The following HMSD variants were observed in gnomAD, a reference collection of about 807,000 sequenced individuals.
HMSD encodes serpin-like protein HMSD.
Under a neutral mutation model 10.0 loss-of-function variants are expected in HMSD, and 13 were observed. The ratio of observed to expected loss-of-function variants is 1.31; its 90% CI spans 0.85 to 2.08. The LOEUF is 2.08. HMSD is among the 30% of genes most tolerant of loss of function. HMSD has a pLI of 0.00. For synonymous variants in HMSD, 51 were observed against 54.2 expected, an observed-to-expected ratio of 0.94 and a Z score of 0.26; for missense variants, 169 against 166.3, an observed-to-expected ratio of 1.02 and a Z score of -0.09.
chr18:63,964,703 G>A (rs1219792796), downstream of HMSD, among the ~76,000 whole-genome samples: 1 of 152,182 alleles, frequency 6.6e-6, no homozygotes, highest in Admixed American at 6.5e-5. Flanking sequence ...ATGTTCACAT[G>A]GCAGGGAGAG....
downstream of HMSD, among the ~76,000 whole-genome samples, chr18:63,963,073 C>CTT (rs1373367812): frequency 3.0e-4 from 2 of 6,740 alleles, no homozygotes; most frequent in East Asian, 0.02. Flanking sequence ...TTTTCTTTCT[C>CTT]TTTCTTTCTT....
chr18:63,958,249 G>A (rs1176229356), intron 3 of HMSD, among the ~76,000 whole-genome samples: 1 of 152,150 alleles, frequency 6.6e-6, no homozygotes, highest in Non-Finnish European at 1.5e-5. Flanking sequence ...AGCTATTACT[G>A]CTTCCTTGTT....
At chr18:63,954,601 G>T in intron 3 of HMSD, 44 bp downstream of exon 3, 1 of 1,550,790 alleles carries the variant, frequency 6.4e-7, no homozygotes, top group Non-Finnish European at 8.9e-7. Context: ...TAGCAATGTG[G>T]TGGGAAGTAG....
In HMSD at chr18:63,951,941, A is replaced by G. The variant is rs1309795021; in HGVS notation, c.-102-1413A>G. Among the ~76,000 whole-genome samples, 3 of 152,064 alleles carry G rather than the reference A, an allele frequency of 2.0e-5. No individual in the cohort carries two copies. In the East Asian group the frequency reaches 5.8e-4, roughly 29 times the overall value. On this transcript the variant is annotated intron_variant, in intron 1 of 3. Transcript: ENST00000408945. ...GACACTGGTTGATTTGTGTAACACC[A>G]TGGAATACTATGCAGCCATAAAAAA...
At position 63,953,444 on chromosome 18, in the gene HMSD, A is replaced by G. The variant is rs777853066; in HGVS notation, c.-12A>G. 1.2e-6 allele frequency: 2 copies of G among 1,611,542 alleles called. No individual in the cohort carries two copies. Among genetic ancestry groups the G allele is most frequent in the South Asian group, 1.1e-5 (1 of 90,892 alleles). ...TAGGGGAAAACAACTCAAACAACTT[A>G]TTTTTTTCCCCATGAGCATATCATC... On this transcript the variant is annotated 5_prime_UTR_variant, in exon 2 of 4. Transcript: ENST00000408945.
At chr18:63,963,087 TTCTTTCTTTC>T (rs1395265755), downstream of HMSD, among the ~76,000 whole-genome samples, 3 of 102,702 alleles carry the variant, frequency 2.9e-5, no homozygotes, top group Non-Finnish European at 6.0e-5. Flanking sequence ...CTTTCTTTCT[TTCTTTCTTTC>T]TTTCTTTCTT....
intron 3 of HMSD, among the ~76,000 whole-genome samples, chr18:63,956,367 CTT>C (rs1288251556): frequency 1.3e-5 from 2 of 150,428 alleles, no homozygotes; most frequent in Admixed American, 6.6e-5. Context: ...AAAAAACAAA[CTT>C]AAATTTACAA....
At position 63,960,198 on chromosome 18, in the gene HMSD, T is replaced by C; in HGVS notation, c.263T>C (p.Ile88Thr). 8 of 1,612,772 alleles carry C rather than the reference T, an allele frequency of 5.0e-6. No individual in the cohort carries two copies. In the Middle Eastern group the frequency reaches 1.2e-3, roughly 233 times the overall value. Residue 88 changes from isoleucine (I) to threonine (T), a missense_variant, in exon 4 of 4, where the codon ATA becomes ACA. Coordinates refer to ENST00000408945, the MANE Select transcript of HMSD (RefSeq NM_001123366.2). ...TGTGGCAAATTCTACCAAGCAACGA[T>C]AAAACAGCTAGACTTTGTGAATGAT... is the stretch of plus-strand genomic sequence containing the variant. Reference protein sequence around the residue: ...DSCGKFYQATIKQLDFVNDTE... With the variant: ...DSCGKFYQATTKQLDFVNDTE...
chr18:63,950,911 T>G lies in HMSD; in HGVS notation c.-103+1511T>G, dbSNP rs552228982. The stretch of plus-strand genomic sequence containing the variant: ...GTTTTTGTGAATAGGAGATGGTCTG[T>G]TATTAATTTAACCCCAGAAAAGTAT... On this transcript the variant is annotated intron_variant, in intron 1 of 3. Transcript: ENST00000408945. 2.6e-5 allele frequency among the ~76,000 whole-genome samples: 4 copies of G among 152,244 alleles called. No individual in the cohort carries two copies. In the East Asian group the frequency reaches 7.7e-4, roughly 29 times the overall value.
intron 3 of HMSD, chr18:63,968,665 T>C (rs2050423948): frequency 6.6e-6 from 1 of 152,366 alleles, no homozygotes; most frequent in African/African-American, 2.4e-5. Flanking sequence ...GTTTTGCTGG[T>C]CAAAGAGGAA....
rs1296432158 is a variant in HMSD at position 63,949,338 on chromosome 18, C to T, written c.-165C>T. The T allele has an allele frequency of 6.6e-6, 1 of 152,350 alleles. No individual in the cohort carries two copies. Among genetic ancestry groups the T allele is most frequent in the Non-Finnish European group, 1.5e-5 (1 of 68,166 alleles). The allele number at this position is 152,350 out of a possible 1,614,324, so 9.4% of individuals were successfully genotyped here. A position where few individuals can be genotyped will look rare whatever the true frequency, so the allele number is the denominator to read the frequency against. ...CTAACACCCGGCGCCGCTCAGACAT[C>T]TCTATTCCCGCCTCTCCGACCCGGT... On this transcript the variant is annotated 5_prime_UTR_variant, in exon 1 of 4. Coordinates refer to ENST00000408945, the MANE Select transcript of HMSD (RefSeq NM_001123366.2).
rs1358634227 is a variant in HMSD at position 63,961,471 on chromosome 18, G to A, written c.*1116G>A. The A allele has an allele frequency of 2.0e-5, 3 of 152,112 alleles. No individual in the cohort carries two copies. The highest frequency in any genetic ancestry group is 7.2e-5 in the African/African-American group (3 of 41,426). The allele number at this position is 152,112 out of a possible 1,614,324, so 9.4% of individuals were successfully genotyped here. A position where few individuals can be genotyped will look rare whatever the true frequency, so the allele number is the denominator to read the frequency against. ...CTCATGTGCTGCCTTGACATCTATG[G>A]GCTTCTCAGGGCCTCAGAGGCCTGG... is the stretch of plus-strand genomic sequence containing the variant. On this transcript the variant is annotated 3_prime_UTR_variant, in exon 4 of 4. Transcript: ENST00000408945.
chr18:63,961,078 C>T lies in HMSD; in HGVS notation c.*723C>T, dbSNP rs2050383888. 1 of 152,328 alleles carries T rather than the reference C, an allele frequency of 6.6e-6. No homozygotes were observed. Among genetic ancestry groups the T allele is most frequent in the South Asian group, 2.1e-4 (1 of 4,836 alleles). 9.4% of individuals were successfully genotyped at this position (152,328 alleles called of 1,614,324 possible). ...CAGCCAGGAGCAACAGGGTGGCACC[C>T]TCTTCTTCAGGGAAACACACACCTC... On this transcript the variant is annotated 3_prime_UTR_variant, in exon 4 of 4. Coordinates refer to ENST00000408945, the MANE Select transcript of HMSD (RefSeq NM_001123366.2).
At chr18:63,960,112 T>C in intron 3 of HMSD, 46 bp from the exon 4 acceptor site, 1 of 1,535,724 alleles carries the variant, frequency 6.5e-7, no homozygotes, top group Non-Finnish European at 9.0e-7. Context: ...GCCAGTGATA[T>C]TAGTTGTTTC....
rs529502917 is a variant in HMSD, at chr18:63,949,688, G to A, written c.-103+288G>A. ...GCTGGGGGGTGAAAGTCCTGCCTGG[G>A]CTCCACTCATCCTGCAGGAGCTGGA... is the stretch of plus-strand genomic sequence containing the variant. On this transcript the variant is annotated intron_variant, in intron 1 of 3. Coordinates refer to ENST00000408945, the MANE Select transcript of HMSD (RefSeq NM_001123366.2). Among the ~76,000 whole-genome samples the A allele has an allele frequency of 2.2e-4, 34 of 152,272 alleles. 1 individual carries two copies. The East Asian group carries it at 6.6e-3, about 29-fold the overall frequency.
At chr18:63,953,744 G>A (rs959126185) in intron 2 of HMSD, among the ~76,000 whole-genome samples, 4 of 152,194 alleles carry the variant, frequency 2.6e-5, no homozygotes, top group African/African-American at 9.7e-5. Flanking sequence ...GCAGGCAACT[G>A]GGCTAGAAGG....
At chr18:63,967,139 GTTTT>G (rs2050413241) in intron 3 of HMSD, among the ~76,000 whole-genome samples, 2 of 82,512 alleles carry the variant, frequency 2.4e-5, no homozygotes, top group East Asian at 6.4e-4. Flanking sequence ...GAGACTCTTT[GTTTT>G]TTGTTTGTTT....
In HMSD at chr18:63,954,650, T is replaced by G. The variant is rs527906909; in HGVS notation, c.222+93T>G. 6.7e-5 allele frequency: 74 copies of G among 1,100,266 alleles called. No individual in the cohort carries two copies. In the South Asian group the frequency reaches 1.0e-3, roughly 16 times the overall value. 68.2% of individuals were successfully genotyped at this position (1,100,266 alleles called of 1,614,324 possible). Reference sequence around the variant, plus strand: ...GGCTATGAATTCCTGCAGGTGGTCCTGAACTCAGAACTCCACGCACGAATC... The same window carrying G: ...GGCTATGAATTCCTGCAGGTGGTCCGGAACTCAGAACTCCACGCACGAATC... On this transcript the variant is annotated intron_variant, in intron 3 of 3. Coordinates refer to ENST00000408945, the MANE Select transcript of HMSD (RefSeq NM_001123366.2).
chr18:63,968,873 T>C (rs775138479), intron 3 of HMSD: 5 of 152,242 alleles, frequency 3.3e-5, no homozygotes, highest in Non-Finnish European at 7.3e-5. Context: ...GGGTGAATCC[T>C]GCACCAAGAC....
Sources: gnomAD v4.1 joint callset for allele counts (sites outside exome capture counted in the v4.1 genomes callset) on GRCh38, gnomAD v4.1.1 for gene constraint, MANE v1.5 for transcripts, NCBI Gene and HGNC (gene_info 2026-07-23, HGNC 2026-07-21) for gene names.